Variants in PIK3CD observed in about 807,000 individuals in gnomAD.
PIK3CD encodes the protein phosphatidylinositol 4,5-bisphosphate 3-kinase catalytic subunit delta isoform.
In PIK3CD, 20 loss-of-function variants were observed where a neutral mutation model predicts 122.9. The observed-to-expected ratio is 0.16, with a 90% CI of 0.11 to 0.24. PIK3CD has a LOEUF of 0.24. Ranked by LOEUF, PIK3CD falls within the 10% of genes least tolerant of loss-of-function variation. The pLI is 1.00. For synonymous variants in PIK3CD, 596 were observed against 593.4 expected (o/e 1.00, Z -0.06); for missense variants, 787 against 1,406.3 (o/e 0.56, Z 7.04).
intron 1 of PIK3CD, among the ~76,000 whole-genome samples, chr1:9,673,254 A>AT (rs1025369731): frequency 3.4e-5 from 5 of 149,144 alleles, no homozygotes; most frequent in African/African-American, 1.2e-4. Context: ...CACCTGGCTA[A>AT]TTTTTTTATT....
chr1:9,659,150 C>T (rs980144923), intron 1 of PIK3CD, among the ~76,000 whole-genome samples: 2 of 149,988 alleles, frequency 1.3e-5, no homozygotes, highest in Admixed American at 1.3e-4. Context: ...ACAACACACA[C>T]TGGGGCTTGT....
chr1:9,667,018 C>T (rs1410102332), intron 1 of PIK3CD, among the ~76,000 whole-genome samples: 1 of 152,144 alleles, frequency 6.6e-6, no homozygotes, highest in East Asian at 1.9e-4. Flanking sequence ...CGTACACCGC[C>T]ATGCCTGGCT....
At chr1:9,651,513 A>G (rs995847727), upstream of PIK3CD, among the ~76,000 whole-genome samples, 2 of 152,304 alleles carry the variant, frequency 1.3e-5, no homozygotes, top group East Asian at 3.9e-4. Flanking sequence ...CTTGTTTTGT[A>G]GAAGGGCAAG....
At chr1:9,684,223 T>C (rs1038522188) in intron 1 of PIK3CD, among the ~76,000 whole-genome samples, 4 of 152,058 alleles carry the variant, frequency 2.6e-5, no homozygotes, top group Non-Finnish European at 4.4e-5. Flanking sequence ...ACACGTGCTT[T>C]TTGGCTGATA....
intron 1 of PIK3CD, among the ~76,000 whole-genome samples, chr1:9,666,452 T>C (rs1348518374): frequency 1.3e-5 from 2 of 151,554 alleles, no homozygotes; most frequent in African/African-American, 4.8e-5. Context: ...AGGCTGGTCT[T>C]GAACTCCTGA....
rs373765695 is a variant in PIK3CD at position 9,724,454 on chromosome 1, C to T, written c.2864+33C>T. On this transcript the variant is annotated intron_variant, in intron 22 of 23. Coordinates refer to ENST00000377346, the MANE Select transcript of PIK3CD (RefSeq NM_005026.5). The surrounding 1 kb of genome is among the most constrained non-coding windows in gnomAD (Gnocchi z 7.3). ...TGCCTGAGCCCCACCAGATGCCCCT[C>T]GGTGTGGGGCCCCAGGGAACAGGGC... The T allele has an allele frequency of 8.6e-5, 138 of 1,613,264 alleles. No homozygotes were observed. The highest frequency in any genetic ancestry group is 1.1e-4 in the Non-Finnish European group (130 of 1,179,728).
rs112075217 is a variant in PIK3CD at position 9,693,400 on chromosome 1, G to GT, written c.-33+1840dup. On this transcript the variant is annotated intron_variant, in intron 2 of 23. Coordinates refer to ENST00000377346, the MANE Select transcript of PIK3CD (RefSeq NM_005026.5). ...CCACCATGCCCAGCTAATTTTTGTGGTTTTTTTTTTTCAGTAGAGACATGG... is the reference window on the plus strand; with the variant it reads ...CCACCATGCCCAGCTAATTTTTGTGGTTTTTTTTTTTTCAGTAGAGACATGG... 1.3e-3 allele frequency among the ~76,000 whole-genome samples: 195 copies of GT among 146,430 alleles called. 1 individual carries two copies. Among genetic ancestry groups the GT allele is most frequent in the East Asian group, 1.6e-3 (8 of 5,010 alleles).
upstream of PIK3CD, chr1:9,651,590 G>A (rs1644671516): frequency 6.6e-6 from 1 of 152,246 alleles, no homozygotes; most frequent in African/African-American, 2.4e-5. Context: ...GGGGAGTGTG[G>A]GCGGCGGGGG....
intron 1 of PIK3CD, among the ~76,000 whole-genome samples, chr1:9,667,729 T>C (rs914895575): frequency 6.7e-6 from 1 of 149,280 alleles, no homozygotes; most frequent in African/African-American, 2.5e-5. Flanking sequence ...CATATCTTTC[T>C]TTTCTTTTTC....
chr1:9,695,799 G>C (rs1646390544), intron 2 of PIK3CD, among the ~76,000 whole-genome samples: 1 of 150,072 alleles, frequency 6.7e-6, no homozygotes, highest in African/African-American at 2.5e-5. Flanking sequence ...CCGAGATTGT[G>C]CCACTGCACT....
In PIK3CD at chr1:9,721,797, C is replaced by G; in HGVS notation, c.1992C>G (p.Phe664Leu). The G allele has an allele frequency of 6.2e-7, 1 of 1,613,260 alleles. No homozygotes were observed. ...ACGTGCCGTCGGTGGCCCTGCGCTT[C>G]GGCCTCATCCTGGAGGCCTACTGCA... is the stretch of plus-strand genomic sequence containing the variant. ...EMHVPSVALR[F>L]GLILEAYCRG... The change falls in exon 16 of 24, where the codon TTC becomes TTG. Residue 664 changes from phenylalanine (F) to leucine (L), a missense_variant. Phe to Leu is a conservative substitution (Grantham distance 22). Coordinates refer to ENST00000377346, the MANE Select transcript of PIK3CD (RefSeq NM_005026.5).
At chr1:9,648,164 G>C (rs780908896), upstream of PIK3CD, among the ~76,000 whole-genome samples, 21 of 152,154 alleles carry the variant, frequency 1.4e-4, no homozygotes, top group Non-Finnish European at 2.8e-4. Flanking sequence ...TCTGCCTGCT[G>C]CTTCTTAATT....
At chr1:9,630,943 G>GTCATCCA in the PIK3CD span, among the ~76,000 whole-genome samples, 16 of 152,092 alleles carry the variant, frequency 1.1e-4, no homozygotes, top group African/African-American at 3.9e-4. Flanking sequence ...CAGATGATTG[G>GTCATCCA]TCATCCATTT....
chr1:9,691,794 G>A (rs1001413234), intron 2 of PIK3CD: 1 of 365,850 alleles, frequency 2.7e-6, no homozygotes, highest in East Asian at 4.0e-5. Context: ...GGAGAGAGAT[G>A]CTGCTGCCTG....
At chr1:9,637,475 C>A in the PIK3CD span, among the ~76,000 whole-genome samples, 1 of 152,126 alleles carries the variant, frequency 6.6e-6, no homozygotes, top group Admixed American at 6.6e-5. Context: ...ATGATCACAC[C>A]ACTACACTCC....
chr1:9,647,542 C>T (rs183207980), upstream of PIK3CD, among the ~76,000 whole-genome samples: 17 of 147,894 alleles, frequency 1.1e-4, no homozygotes, highest in African/African-American at 4.0e-4. Flanking sequence ...CTCACTTTGT[C>T]ACCCAGGCTG....
Position 9,715,523 on chromosome 1 carries a change from C to T in PIK3CD, c.142-18C>T, listed in dbSNP as rs769114762. The T allele has an allele frequency of 1.6e-5, 25 of 1,607,982 alleles. No individual in the cohort carries two copies. Among genetic ancestry groups the T allele is most frequent in the Non-Finnish European group, 1.9e-5 (22 of 1,176,032 alleles). ...GGCTGCCTTGGGTGGAGGGGCTGAC[C>T]GGTGACTGTCCCTCCAGCTGCTGTG... On this transcript the variant is annotated intron_variant, in intron 3 of 23. Coordinates refer to ENST00000377346, the MANE Select transcript of PIK3CD (RefSeq NM_005026.5). This position sits in a 1 kb window ranked among gnomAD's most constrained non-coding sequence, Gnocchi z 4.1.
Position 9,715,544 on chromosome 1 carries a change from C to T in PIK3CD, c.145C>T (p.Leu49=). The T allele has an allele frequency of 6.2e-7, 1 of 1,613,186 alleles. No individual in the cohort carries two copies. The highest frequency in any genetic ancestry group is 1.1e-5 in the South Asian group (1 of 91,054). Reference sequence around the variant, plus strand: ...TGACCGGTGACTGTCCCTCCAGCTGCTGTGGCACCGCGCCCAGTATGAGCC... The same window carrying T: ...TGACCGGTGACTGTCCCTCCAGCTGTTGTGGCACCGCGCCCAGTATGAGCC... ...NANLSTIKQL[L]WHRAQYEPLF... Residue 49 remains leucine (L), a synonymous_variant, in exon 4 of 24, where the codon CTG becomes TTG. Coordinates refer to ENST00000377346, the MANE Select transcript of PIK3CD (RefSeq NM_005026.5). The surrounding 1 kb of genome is among the most constrained non-coding windows in gnomAD (Gnocchi z 4.1).
intron 1 of PIK3CD, among the ~76,000 whole-genome samples, chr1:9,666,704 A>G (rs1250501890): frequency 6.6e-6 from 1 of 151,722 alleles, no homozygotes; most frequent in African/African-American, 2.4e-5. Context: ...TTTAATTTTT[A>G]TTTACTTATT....
Sources: allele counts gnomAD v4.1 joint callset (sites outside exome capture counted in the v4.1 genomes callset), GRCh38; gene constraint gnomAD v4.1.1; non-coding constraint Gnocchi (gnomAD v3.1); transcripts MANE v1.5; gene names NCBI Gene and HGNC (gene_info 2026-07-23, HGNC 2026-07-21).